CLVS1: variants seen among roughly 807,000 people sequenced by gnomAD.
CLVS1 encodes the protein clavesin-1.
In CLVS1, 10 loss-of-function variants were observed where a neutral mutation model predicts 33.1. The observed-to-expected ratio is 0.30, with a 90% CI of 0.19 to 0.51. The LOEUF (loss-of-function observed/expected upper bound fraction) is 0.51, where lower values mean the gene tolerates loss of function less well. Among genes scored for constraint, CLVS1 ranks in the 20% least tolerant of loss-of-function variants. The pLI, the probability that CLVS1 is intolerant of heterozygous loss-of-function variation, is 0.97. For synonymous variants in CLVS1, 163 were observed against 166.1 expected (o/e 0.98, Z 0.14); for missense variants, 343 against 433.4 (o/e 0.79, Z 1.85).
At chr8:61,101,389 T>C (rs1273398896) in intron 1 of CLVS1, among the ~76,000 whole-genome samples, 1 of 152,236 alleles carries the variant, frequency 6.6e-6, no homozygotes, top group African/African-American at 2.4e-5. Context: ...TAGATGTTTG[T>C]ATGTCTTACA....
intron 2 of CLVS1, among the ~76,000 whole-genome samples, chr8:61,328,040 G>A (rs1345374166): frequency 6.6e-6 from 1 of 152,162 alleles, no homozygotes; most frequent in Non-Finnish European, 1.5e-5. Flanking sequence ...TTTGCCAGTT[G>A]CATTTTACAT....
intron 2 of CLVS1, among the ~76,000 whole-genome samples, chr8:61,256,791 T>C (rs1157062286): frequency 6.6e-6 from 1 of 152,226 alleles, no homozygotes; most frequent in Non-Finnish European, 1.5e-5. Context: ...AGGTGACAAG[T>C]GAAGGAAGCA....
chr8:61,038,711 T>C, the CLVS1 span, among the ~76,000 whole-genome samples: 4 of 152,160 alleles, frequency 2.6e-5, no homozygotes, highest in East Asian at 3.8e-4. Context: ...CCGGTCCTCA[T>C]TGTGAACGTG....
chr8:61,045,671 G>A, the CLVS1 span, among the ~76,000 whole-genome samples: 1 of 152,144 alleles, frequency 6.6e-6, no homozygotes, highest in African/African-American at 2.4e-5. Context: ...AAGTGGCTTT[G>A]TTCATCATTT....
At chr8:61,212,477 G>A (rs546629068) in intron 2 of CLVS1, among the ~76,000 whole-genome samples, 1 of 152,288 alleles carries the variant, frequency 6.6e-6, no homozygotes, top group South Asian at 2.1e-4. Context: ...GCGCTGCCCA[G>A]TTGGTCCCAA....
the CLVS1 span, among the ~76,000 whole-genome samples, chr8:61,051,582 T>C: frequency 6.6e-6 from 1 of 152,172 alleles, no homozygotes; most frequent in African/African-American, 2.4e-5. Flanking sequence ...ACGAAAGGCA[T>C]GGAGAGCCAC....
Position 61,164,197 on chromosome 8 carries a change from G to A in CLVS1, c.-152+32337G>A, listed in dbSNP as rs139968760. Among the ~76,000 whole-genome samples the A allele has an allele frequency of 3.0e-3, 450 of 152,260 alleles. 13 individuals carry two copies. Among genetic ancestry groups the A allele is most frequent in the Admixed American group, 0.02 (300 of 15,300 alleles). On this transcript the variant is annotated intron_variant, in intron 2 of 2. Transcript: ENST00000522621. ...AAGGCCTGTGTTTAAAGATGGGTGC[G>A]GTCACCTTCCCCAACTAGGCGTAGG...
chr8:61,045,569 T>C, the CLVS1 span, among the ~76,000 whole-genome samples: 5 of 152,210 alleles, frequency 3.3e-5, no homozygotes, highest in Non-Finnish European at 5.9e-5. Context: ...CCCAAGTGGA[T>C]GAGGGACTAC....
chr8:61,196,543 C>T (rs890473847), intron 2 of CLVS1, among the ~76,000 whole-genome samples: 5 of 152,164 alleles, frequency 3.3e-5, no homozygotes, highest in African/African-American at 1.2e-4. Context: ...GGCTTAGGCA[C>T]AGTTGAACTT....
chr8:60,965,996 G>C, the CLVS1 span: 1 of 174,666 alleles, frequency 5.7e-6, no homozygotes, highest in Non-Finnish European at 1.2e-5. Context: ...ATTTTTAGTA[G>C]AGATGGGGTT....
chr8:61,006,526 G>C, the CLVS1 span, among the ~76,000 whole-genome samples: 1 of 152,218 alleles, frequency 6.6e-6, no homozygotes, highest in Non-Finnish European at 1.5e-5. Context: ...CCACGACACA[G>C]TGGGTGTGAA....
chr8:61,093,194 A>G (rs1300037063), intron 1 of CLVS1, among the ~76,000 whole-genome samples: 2 of 152,146 alleles, frequency 1.3e-5, no homozygotes, highest in Non-Finnish European at 2.9e-5. Flanking sequence ...ATGTATACCA[A>G]TATAATGGAA....
chr8:61,389,034 G>A (rs964951933), intron 3 of CLVS1, among the ~76,000 whole-genome samples: 5 of 152,018 alleles, frequency 3.3e-5, no homozygotes, highest in Non-Finnish European at 7.4e-5. Context: ...GAGAACATGC[G>A]GTGTTTTATT....
the CLVS1 span, among the ~76,000 whole-genome samples, chr8:61,008,103 G>A: frequency 6.6e-6 from 1 of 152,182 alleles, no homozygotes; most frequent in Non-Finnish European, 1.5e-5. Flanking sequence ...GGAGGAATGG[G>A]CCATTTATTA....
chr8:61,475,463 T>G (rs1159385418), intron 5 of CLVS1, among the ~76,000 whole-genome samples: 3 of 152,220 alleles, frequency 2.0e-5, no homozygotes, highest in African/African-American at 7.2e-5. Context: ...ACCTGTTGTT[T>G]CCTGACTTTT....
At chr8:61,389,434 G>A (rs991020195) in intron 3 of CLVS1, among the ~76,000 whole-genome samples, 9 of 151,898 alleles carry the variant, frequency 5.9e-5, no homozygotes, top group Admixed American at 3.9e-4. Context: ...CCAGCTACTC[G>A]GCAGGCTGAG....
intron 2 of CLVS1, among the ~76,000 whole-genome samples, chr8:61,192,224 A>C (rs1807500431): frequency 6.6e-6 from 1 of 152,166 alleles, no homozygotes; most frequent in Non-Finnish European, 1.5e-5. Flanking sequence ...ATAATACCAC[A>C]CATCTACAAC....
At chr8:61,407,331 C>T (rs1815032677) in intron 3 of CLVS1, among the ~76,000 whole-genome samples, 1 of 152,180 alleles carries the variant, frequency 6.6e-6, no homozygotes, top group African/African-American at 2.4e-5. Context: ...AGTGTTATTT[C>T]TAAAAAGGGA....
At chr8:61,131,392 G>A (rs1263341326) in intron 1 of CLVS1, among the ~76,000 whole-genome samples, 3 of 152,186 alleles carry the variant, frequency 2.0e-5, no homozygotes, top group African/African-American at 7.2e-5. Flanking sequence ...GAGTCAATTG[G>A]CAAATTATAT....
Sources: allele counts gnomAD v4.1 joint callset (sites outside exome capture counted in the v4.1 genomes callset), GRCh38; gene constraint gnomAD v4.1.1; transcripts MANE v1.5; gene names NCBI Gene and HGNC (gene_info 2026-07-23, HGNC 2026-07-21).